The following AAK1 variants were observed in gnomAD, a reference collection of about 807,000 sequenced individuals.
The protein encoded by AAK1 is AP2-associated protein kinase 1.
In AAK1, 37 loss-of-function variants were observed where a neutral mutation model predicts 116.0. That is an observed-to-expected ratio of 0.32 (90% CI 0.25 to 0.42). The LOEUF is 0.42. Ranked by LOEUF, AAK1 falls within the 10% of genes least tolerant of loss-of-function variation. The probability of loss-of-function intolerance (pLI) is 1.00; values close to 1 mark genes in which losing one functional copy is unlikely to be tolerated. For missense variants in AAK1, 919 were observed against 1,170.6 expected, an observed-to-expected ratio of 0.79 and a Z score of 3.14; for synonymous variants, 458 against 439.9, an observed-to-expected ratio of 1.04 and a Z score of -0.51.
intron 5 of AAK1, among the ~76,000 whole-genome samples, chr2:69,540,143 A>C (rs1397010669): frequency 3.0e-5 from 4 of 132,612 alleles, no homozygotes; most frequent in Non-Finnish European, 6.1e-5. Flanking sequence ...TTTTTTTGAG[A>C]CAGAGTCTTG....
intron 2 of AAK1, among the ~76,000 whole-genome samples, chr2:69,592,137 C>T (rs1014889868): frequency 2.6e-5 from 4 of 152,204 alleles, no homozygotes; most frequent in African/African-American, 9.7e-5. Context: ...CCAGTATCTC[C>T]AATCTCTAGA....
intron 2 of AAK1, among the ~76,000 whole-genome samples, chr2:69,625,776 T>C (rs1230369870): frequency 6.6e-6 from 1 of 152,250 alleles, no homozygotes; most frequent in East Asian, 1.9e-4. Context: ...TACACTTTCA[T>C]GGGCCAGGAA....
intron 2 of AAK1, among the ~76,000 whole-genome samples, chr2:69,615,247 G>A (rs1020030970): frequency 3.3e-5 from 5 of 152,110 alleles, no homozygotes; most frequent in East Asian, 1.9e-4. Context: ...TCGGGACTTC[G>A]CAGAGAAGCC....
chr2:69,546,855 G>A (rs1254909342), intron 3 of AAK1, among the ~76,000 whole-genome samples: 1 of 151,958 alleles, frequency 6.6e-6, no homozygotes, highest in Non-Finnish European at 1.5e-5. Context: ...ATTACCAGAA[G>A]GTAAGGAAAT....
chr2:69,530,141 C>A lies in AAK1; in HGVS notation c.739-1G>T. 6.2e-7 allele frequency: 1 copy of A among 1,602,964 alleles called. No homozygotes were observed. Among genetic ancestry groups the A allele is most frequent in the Non-Finnish European group, 8.5e-7 (1 of 1,176,228 alleles). ...ATTTATACAACAAACATCCAAGAGCCTAAAAAATAAAGATAGCAGATTGCT... is the reference window on the plus strand; with the variant it reads ...ATTTATACAACAAACATCCAAGAGCATAAAAAATAAAGATAGCAGATTGCT... On this transcript the variant is annotated splice_acceptor_variant, in intron 7 of 21. Coordinates refer to ENST00000409085, the MANE Select transcript of AAK1 (RefSeq NM_014911.5). LOFTEE classifies it high-confidence loss of function.
chr2:69,516,414 C>CAACAA (rs1676585050), intron 12 of AAK1, among the ~76,000 whole-genome samples: 1 of 151,662 alleles, frequency 6.6e-6, no homozygotes, highest in African/African-American at 2.4e-5. Flanking sequence ...GCCTATTCTC[C>CAACAA]AACAAAACAA....
intron 1 of AAK1, 111 bp from the exon 2 acceptor site, chr2:69,643,385 T>C: frequency 1.7e-6 from 2 of 1,182,498 alleles, no homozygotes; most frequent in Admixed American, 8.3e-5. Flanking sequence ...GCTTCATGTA[T>C]TTTCCCGGCG....
rs1671057314 is a variant in AAK1, at chr2:69,548,979, A to G, written c.283-4435T>C. ...TACAGACAGCCCTCACCCGTTAGAC[A>G]GTTCTTCCTTACCTATCTGGAATCT... On this transcript the variant is annotated intron_variant, in intron 3 of 21. Coordinates refer to ENST00000409085, the MANE Select transcript of AAK1 (RefSeq NM_014911.5). Among the ~76,000 whole-genome samples, 4 of 152,116 alleles carry G rather than the reference A, an allele frequency of 2.6e-5. No individual in the cohort carries two copies. The South Asian group carries it at 8.3e-4, about 32-fold the overall frequency.
intron 2 of AAK1, among the ~76,000 whole-genome samples, chr2:69,568,346 C>T (rs114556640): frequency 1.9e-3 from 283 of 151,482 alleles, no homozygotes; most frequent in African/African-American, 6.4e-3. Context: ...ATCCTGAGCA[C>T]TTTCTAGTGT....
At position 69,506,059 on chromosome 2, in the gene AAK1, C is replaced by T. The variant is rs540874083; in HGVS notation, c.2165-386G>A. ...GATGATCTGCTTTCCATGTTGGAAG[C>T]AGTTTAGGAGAGCAAATGAGAAGAG... is the stretch of plus-strand genomic sequence containing the variant. On this transcript the variant is annotated intron_variant, in intron 15 of 21. Coordinates refer to ENST00000409085, the MANE Select transcript of AAK1 (RefSeq NM_014911.5). Among the ~76,000 whole-genome samples, 10 of 152,104 alleles carry T rather than the reference C, an allele frequency of 6.6e-5. No individual in the cohort carries two copies. The South Asian group carries it at 2.1e-3, about 32-fold the overall frequency.
chr2:69,614,649 C>T (rs182256915), intron 2 of AAK1, among the ~76,000 whole-genome samples: 35 of 152,304 alleles, frequency 2.3e-4, no homozygotes, highest in African/African-American at 8.4e-4. Flanking sequence ...GGTCCATGTC[C>T]TAAGCCCAGA....
intron 11 of AAK1, among the ~76,000 whole-genome samples, chr2:69,519,774 C>T (rs1157377524): frequency 6.6e-6 from 1 of 152,024 alleles, no homozygotes; most frequent in African/African-American, 2.4e-5. Flanking sequence ...AAACAGAATG[C>T]CAAAACATGA....
chr2:69,491,971 G>C (rs1157371890), intron 17 of AAK1, among the ~76,000 whole-genome samples: 1 of 152,008 alleles, frequency 6.6e-6, no homozygotes, highest in Non-Finnish European at 1.5e-5. Flanking sequence ...AAAGATAAAA[G>C]AACCCTCCAC....
chr2:69,630,408 C>T (rs1156376212), intron 2 of AAK1, among the ~76,000 whole-genome samples: 2 of 150,782 alleles, frequency 1.3e-5, no homozygotes, highest in Non-Finnish European at 2.9e-5. Context: ...ATTTCCAAAA[C>T]TCTAACTCCA....
intron 6 of AAK1, chr2:69,531,828 A>G: frequency 7.9e-7 from 1 of 1,271,594 alleles, no homozygotes; most frequent in Non-Finnish European, 1.0e-6. Flanking sequence ...AAGTGCTCTA[A>G]GAGTCCTTCC....
At chr2:69,626,378 C>T (rs986562028) in intron 2 of AAK1, among the ~76,000 whole-genome samples, 10 of 151,884 alleles carry the variant, frequency 6.6e-5, no homozygotes, top group South Asian at 4.1e-4. Context: ...AAACTGCTAA[C>T]GAAGCTCACA....
intron 14 of AAK1, among the ~76,000 whole-genome samples, chr2:69,508,091 T>C (rs956329993): frequency 1.3e-5 from 2 of 152,236 alleles, no homozygotes; most frequent in Non-Finnish European, 2.9e-5. Flanking sequence ...GAATGTCTCC[T>C]TTCCTTCATG....
rs1674826620 is a variant in AAK1, at chr2:69,475,635, A to G, written c.*234T>C. 7 of 1,318,930 alleles carry G rather than the reference A, an allele frequency of 5.3e-6. No individual in the cohort carries two copies. The South Asian group carries it at 1.3e-4, about 24-fold the overall frequency. 81.7% of individuals were successfully genotyped at this position (1,318,930 alleles called of 1,614,324 possible). A position where few individuals can be genotyped will look rare whatever the true frequency, so the allele number is the denominator to read the frequency against. On this transcript the variant is annotated 3_prime_UTR_variant, in exon 22 of 22. Coordinates refer to ENST00000409085, the MANE Select transcript of AAK1 (RefSeq NM_014911.5). ...TAAGATAATGCTATTGAAGAAGGGT[A>G]ATGAGAAAACACAGCAAACTAACAA...
At chr2:69,637,907 T>A (rs963130721) in intron 2 of AAK1, among the ~76,000 whole-genome samples, 4 of 152,234 alleles carry the variant, frequency 2.6e-5, no homozygotes, top group African/African-American at 9.6e-5. Flanking sequence ...TCTCTCTTCA[T>A]CATTATTTGT....
Sources: gnomAD v4.1 joint callset for allele counts (sites outside exome capture counted in the v4.1 genomes callset) on GRCh38, gnomAD v4.1.1 for gene constraint, MANE v1.5 for transcripts, NCBI Gene and HGNC (gene_info 2026-07-23, HGNC 2026-07-21) for gene names.